SGCZ: variants seen among roughly 807,000 people sequenced by gnomAD.
The protein encoded by SGCZ is sarcoglycan zeta.
SGCZ carries 40 observed loss-of-function variants against 41.3 expected under a neutral mutation model. That is an observed-to-expected ratio of 0.97 (90% CI 0.75 to 1.26). SGCZ has a LOEUF of 1.26. SGCZ is among the 50% of genes most tolerant of loss of function. The pLI, the probability that SGCZ is intolerant of heterozygous loss-of-function variation, is 0.00. For missense variants in SGCZ, 552 were observed against 369.8 expected (o/e 1.49, Z -4.04); for synonymous variants, 206 against 137.5 (o/e 1.50, Z -3.49).
intron 1 of SGCZ, among the ~76,000 whole-genome samples, chr8:14,563,726 C>T (rs762060357): frequency 6.6e-6 from 1 of 152,102 alleles, no homozygotes; most frequent in Non-Finnish European, 1.5e-5. Context: ...AAAGAACTCT[C>T]GAGCTTTGTA....
At chr8:14,238,600 T>G (rs1277722589) in intron 3 of SGCZ, among the ~76,000 whole-genome samples, 2 of 152,214 alleles carry the variant, frequency 1.3e-5, no homozygotes, top group African/African-American at 4.8e-5. Context: ...TAGGCTTCTG[T>G]CATACCTTCC....
intron 1 of SGCZ, among the ~76,000 whole-genome samples, chr8:14,699,123 G>A (rs1285353361): frequency 6.6e-6 from 1 of 151,350 alleles, no homozygotes; most frequent in Admixed American, 6.6e-5. Flanking sequence ...TTAAATTAAA[G>A]GACACTAAAA....
rs58392231 is a variant in SGCZ at position 15,093,679 on chromosome 8, G to A, written c.39+143906C>T. On this transcript the variant is annotated intron_variant, in intron 1 of 7. Coordinates refer to ENST00000382080, the MANE Select transcript of SGCZ (RefSeq NM_139167.4). ...CATCAACAGAACACGTTTATTGTAC[G>A]TCAAAGTAAAAAAATTACACTTCAC... Among the ~76,000 whole-genome samples the A allele has an allele frequency of 5.4e-3, 824 of 152,174 alleles. 7 individuals are homozygous for A. Among genetic ancestry groups the A allele is most frequent in the African/African-American group, 0.019 (776 of 41,522 alleles).
chr8:14,345,601 T>A (rs535363011), intron 2 of SGCZ, among the ~76,000 whole-genome samples: 28 of 152,264 alleles, frequency 1.8e-4, no homozygotes, highest in African/African-American at 5.8e-4. Flanking sequence ...TAACGTGAGT[T>A]AAGCCTAAGT....
chr8:14,863,547 A>G (rs2130685337), intron 1 of SGCZ, among the ~76,000 whole-genome samples: 1 of 152,274 alleles, frequency 6.6e-6, no homozygotes, highest in South Asian at 2.1e-4. Context: ...TCACCTAGAA[A>G]GAAGATAAAA....
At chr8:15,032,430 G>C (rs995638640) in intron 1 of SGCZ, among the ~76,000 whole-genome samples, 2 of 152,160 alleles carry the variant, frequency 1.3e-5, no homozygotes, top group Non-Finnish European at 2.9e-5. Context: ...AGTGAAGAGA[G>C]AGCCACACTT....
chr8:14,702,870 TA>T (rs1809204125), intron 1 of SGCZ, among the ~76,000 whole-genome samples: 1 of 132,652 alleles, frequency 7.5e-6, no homozygotes, highest in African/African-American at 3.0e-5. Context: ...GATAGATAGA[TA>T]GATAGATAGA....
At chr8:14,305,019 T>C (rs1273107707) in intron 3 of SGCZ, among the ~76,000 whole-genome samples, 1 of 152,160 alleles carries the variant, frequency 6.6e-6, no homozygotes, top group Non-Finnish European at 1.5e-5. Flanking sequence ...TTAATTGAAT[T>C]GAGTATTGAT....
intron 4 of SGCZ, among the ~76,000 whole-genome samples, chr8:14,223,040 G>T (rs751492225): frequency 3.3e-5 from 5 of 151,840 alleles, no homozygotes; most frequent in Non-Finnish European, 5.9e-5. Flanking sequence ...TCGAACTTCT[G>T]ATCTCATGAT....
intron 1 of SGCZ, among the ~76,000 whole-genome samples, chr8:14,778,523 TA>T (rs58252790): frequency 1.2e-4 from 18 of 150,572 alleles, no homozygotes; most frequent in South Asian, 4.2e-4. Flanking sequence ...AAAGACACCT[TA>T]AAAAAAAACA....
At chr8:14,799,665 A>T (rs527284064) in intron 1 of SGCZ, among the ~76,000 whole-genome samples, 1 of 151,422 alleles carries the variant, frequency 6.6e-6, no homozygotes, top group Non-Finnish European at 1.5e-5. Context: ...GGAAGGAGGG[A>T]GCGGCAAGGG....
intron 1 of SGCZ, among the ~76,000 whole-genome samples, chr8:14,622,406 T>C (rs1252520098): frequency 2.6e-5 from 4 of 152,160 alleles, no homozygotes; most frequent in African/African-American, 4.8e-5. Flanking sequence ...TTGAAAAATG[T>C]GAGGTCTGAT....
intron 1 of SGCZ, among the ~76,000 whole-genome samples, chr8:14,574,270 T>G (rs544966941): frequency 2.6e-5 from 4 of 152,244 alleles, no homozygotes; most frequent in East Asian, 3.9e-4. Context: ...CTTGCTGACT[T>G]TGTCCTACCC....
At chr8:14,986,664 G>C (rs765090453) in intron 1 of SGCZ, among the ~76,000 whole-genome samples, 2 of 151,998 alleles carry the variant, frequency 1.3e-5, no homozygotes, top group Non-Finnish European at 2.9e-5. Flanking sequence ...TTATACAACA[G>C]TTTTAAGAGA....
intron 1 of SGCZ, among the ~76,000 whole-genome samples, chr8:15,185,691 G>C (rs1231379012): frequency 6.6e-6 from 1 of 152,132 alleles, no homozygotes; most frequent in Admixed American, 6.5e-5. Flanking sequence ...CACTGCTTGA[G>C]ACATCCTGAA....
At chr8:14,231,989 C>T (rs7825435) in intron 4 of SGCZ, among the ~76,000 whole-genome samples, 145,503 of 152,034 alleles carry the variant, frequency 0.96, 69,711 homozygotes, top group East Asian at 1. Flanking sequence ...TATAAACTTA[C>T]ATAGTTTTAA....
intron 2 of SGCZ, among the ~76,000 whole-genome samples, chr8:14,412,297 T>G (rs1799381275): frequency 6.6e-6 from 1 of 152,078 alleles, no homozygotes; most frequent in Non-Finnish European, 1.5e-5. Context: ...TTTATAAGGG[T>G]TACAGAAAAT....
chr8:15,077,533 A>G (rs1431120357), intron 1 of SGCZ, among the ~76,000 whole-genome samples: 2 of 152,236 alleles, frequency 1.3e-5, no homozygotes, highest in Non-Finnish European at 2.9e-5. Flanking sequence ...AATTTTTCTA[A>G]CTGAAGGAGA....
At chr8:14,773,281 G>A (rs907066801) in intron 1 of SGCZ, among the ~76,000 whole-genome samples, 1 of 152,094 alleles carries the variant, frequency 6.6e-6, no homozygotes, top group African/African-American at 2.4e-5. Context: ...TTTTCAACGT[G>A]CCTTTAATTT....
Sources: allele counts gnomAD v4.1 joint callset (sites outside exome capture counted in the v4.1 genomes callset), GRCh38; gene constraint gnomAD v4.1.1; transcripts MANE v1.5; gene names NCBI Gene and HGNC (gene_info 2026-07-23, HGNC 2026-07-21).